Variants in AKAP13 observed in about 807,000 individuals in gnomAD.
AKAP13 encodes A-kinase anchor protein 13.
A neutral mutation model predicts 264.5 loss-of-function variants in AKAP13; 80 were observed. The ratio of observed to expected loss-of-function variants is 0.30; its 90% CI spans 0.25 to 0.36. AKAP13 has a LOEUF of 0.36. Among genes scored for constraint, AKAP13 ranks in the 10% least tolerant of loss-of-function variants. The pLI is 1.00. For missense variants in AKAP13, 3,712 were observed against 3,435.2 expected (o/e 1.08, Z -2.01); for synonymous variants, 1,380 against 1,250.2 (o/e 1.10, Z -2.19).
chr15:85,682,278 A>G (rs1597040894), intron 15 of AKAP13, 66 bp downstream of exon 15: 2 of 1,495,764 alleles, frequency 1.3e-6, no homozygotes, highest in Non-Finnish European at 1.8e-6. Flanking sequence ...CTCTTAGGCC[A>G]TTTAATTACG....
At position 85,526,518 on chromosome 15, in the gene AKAP13, G is replaced by A. The variant is rs540798116; in HGVS notation, c.181+4943G>A. Among the ~76,000 whole-genome samples, 3 of 152,224 alleles carry A rather than the reference G, an allele frequency of 2.0e-5. No homozygotes were observed. The South Asian group carries it at 6.2e-4, about 32-fold the overall frequency. On this transcript the variant is annotated intron_variant, in intron 3 of 36. Coordinates refer to ENST00000394518, the MANE Select transcript of AKAP13 (RefSeq NM_007200.5). ...AACTTCTGGTCTAAGTGATCCTTCTGCCTCCACCTAGCAAAGTGTTGGGAT... is the reference window on the plus strand; with the variant it reads ...AACTTCTGGTCTAAGTGATCCTTCTACCTCCACCTAGCAAAGTGTTGGGAT...
At chr15:85,583,135 A>G in intron 7 of AKAP13, 2 of 985,418 alleles carry the variant, frequency 2.0e-6, no homozygotes, top group Non-Finnish European at 2.4e-6. Flanking sequence ...CAGAAGACCT[A>G]TCTCCATGCT....
intron 1 of AKAP13, among the ~76,000 whole-genome samples, chr15:85,442,164 C>T (rs952539238): frequency 9.2e-5 from 14 of 151,748 alleles, no homozygotes; most frequent in South Asian, 4.2e-4. Flanking sequence ...GTAATCCCAG[C>T]GCTTTGGGAG....
At chr15:85,691,899 A>T (rs1036710352) in intron 16 of AKAP13, 2 of 481,014 alleles carry the variant, frequency 4.2e-6, no homozygotes, top group Non-Finnish European at 8.3e-6. Context: ...TATCTTTCCA[A>T]CCTAGGGACA....
At position 85,718,043 on chromosome 15, in the gene AKAP13, G is replaced by A. The variant is rs1389325686; in HGVS notation, c.5885G>A (p.Gly1962Glu). The A allele has an allele frequency of 6.2e-7, 1 of 1,614,016 alleles. No individual in the cohort carries two copies. Among genetic ancestry groups the A allele is most frequent in the Non-Finnish European group, 8.5e-7 (1 of 1,180,008 alleles). Residue 1962 changes from glycine (G) to glutamate (E), a missense_variant, in exon 22 of 37, where the codon GGA becomes GAA. Physicochemically the swap from Gly to Glu is moderately conservative, Grantham distance 98. Around this residue, in one of 3 missense-constraint regions of AKAP13, gnomAD observed 2,759 missense variants for 2,411.7 expected, o/e 1.14. Coordinates refer to ENST00000394518, the MANE Select transcript of AKAP13 (RefSeq NM_007200.5). The surrounding 1 kb of genome is among the most constrained non-coding windows in gnomAD (Gnocchi z 4.9). ...GTDMNEGQLL[G>E]DFEIESKQLE... Reference sequence around the variant, plus strand: ...GACATGAATGAAGGACAACTACTGGGAGACTTTGAGATTGAGTCCAAACAG... The same window carrying A: ...GACATGAATGAAGGACAACTACTGGAAGACTTTGAGATTGAGTCCAAACAG...
rs1302088351 is a variant in AKAP13, at chr15:85,727,016, G to A, written c.6823-50G>A. ...CCTTAGATTGAAGCTGTCCTTCAGAGTTAGAATATTGTATATGTATCTTTT... is the reference window on the plus strand; with the variant it reads ...CCTTAGATTGAAGCTGTCCTTCAGAATTAGAATATTGTATATGTATCTTTT... On this transcript the variant is annotated intron_variant, in intron 27 of 36. Coordinates refer to ENST00000394518, the MANE Select transcript of AKAP13 (RefSeq NM_007200.5). This position sits in a 1 kb window ranked among gnomAD's most constrained non-coding sequence, Gnocchi z 5.3. 1.9e-6 allele frequency: 3 copies of A among 1,601,436 alleles called. No homozygotes were observed. Among genetic ancestry groups the A allele is most frequent in the Non-Finnish European group, 2.6e-6 (3 of 1,169,962 alleles).
chr15:85,736,214 T>A, intron 33 of AKAP13, 80 bp downstream of exon 33: 1 of 1,275,228 alleles, frequency 7.8e-7, no homozygotes, highest in Non-Finnish European at 1.1e-6. Context: ...TTCCTTTTTT[T>A]TTTTTCTTTT....
chr15:85,434,407 A>T (rs1222673418), intron 1 of AKAP13, among the ~76,000 whole-genome samples: 3 of 152,154 alleles, frequency 2.0e-5, no homozygotes, highest in Non-Finnish European at 2.9e-5. Flanking sequence ...GGCGCCCGCC[A>T]TTGCCCAGGC....
chr15:85,434,571 G>T (rs2073183365), intron 1 of AKAP13, among the ~76,000 whole-genome samples: 2 of 152,022 alleles, frequency 1.3e-5, no homozygotes, highest in Non-Finnish European at 2.9e-5. Context: ...AAGTGTCCCT[G>T]TCTGACAGCT....
Position 85,749,118 on chromosome 15 carries a change from G to A in AKAP13, c.*4441G>A, listed in dbSNP as rs940191221. 1 of 152,262 alleles carries A rather than the reference G, an allele frequency of 6.6e-6. No homozygotes were observed. 9.4% of individuals were successfully genotyped at this position (152,262 alleles called of 1,614,324 possible). Reference sequence around the variant, plus strand: ...GCAAATGCTCTATGGACATTTGTGTGCTAAATCCTATTAAATAAAAAAGAC... The same window carrying A: ...GCAAATGCTCTATGGACATTTGTGTACTAAATCCTATTAAATAAAAAAGAC... On this transcript the variant is annotated 3_prime_UTR_variant, in exon 37 of 37. Coordinates refer to ENST00000394518, the MANE Select transcript of AKAP13 (RefSeq NM_007200.5).
chr15:85,488,752 A>G (rs973978200), intron 2 of AKAP13, among the ~76,000 whole-genome samples: 1 of 152,208 alleles, frequency 6.6e-6, no homozygotes, highest in African/African-American at 2.4e-5. Context: ...GGAAATAGCA[A>G]AAGAACACTT....
rs2073853089 is a variant in AKAP13 at position 85,445,086 on chromosome 15, CT to C, written c.-11-40623del. On this transcript the variant is annotated intron_variant, in intron 1 of 36. Coordinates refer to ENST00000394518, the MANE Select transcript of AKAP13 (RefSeq NM_007200.5). ...CTTATTCAGTCAAAAAGCCCTTATC[CT>C]CTGATCTCTGATAAGTACTGGGAAA... 3.3e-5 allele frequency among the ~76,000 whole-genome samples: 5 copies of C among 152,254 alleles called. No individual in the cohort carries two copies. The Middle Eastern group carries it at 0.017, about 518-fold the overall frequency.
intron 4 of AKAP13, among the ~76,000 whole-genome samples, chr15:85,537,906 G>A (rs1281809020): frequency 6.6e-6 from 1 of 152,194 alleles, no homozygotes; most frequent in African/African-American, 2.4e-5. Context: ...GAGGGAGTTT[G>A]TCCTTTTAAA....
Position 85,473,825 on chromosome 15 carries a change from C to T in AKAP13, c.-11-11885C>T, listed in dbSNP as rs367753689. ...CTCGCCTGAGAGGCCTGTGGTAGGT[C>T]AAATGAGATGCCATCTGTGCAGCAA... On this transcript the variant is annotated intron_variant, in intron 1 of 36. Coordinates refer to ENST00000394518, the MANE Select transcript of AKAP13 (RefSeq NM_007200.5). Among the ~76,000 whole-genome samples the T allele has an allele frequency of 1.4e-4, 21 of 152,280 alleles. No individual in the cohort carries two copies. In the East Asian group the frequency reaches 3.5e-3, roughly 25 times the overall value.
chr15:85,618,427 T>G (rs1157519), intron 8 of AKAP13, among the ~76,000 whole-genome samples: 30,871 of 151,872 alleles, frequency 0.2, 4,152 homozygotes, highest in Middle Eastern at 0.41. Flanking sequence ...AAGGAAAATG[T>G]CAGCAGCTCC....
At chr15:85,711,970 C>T (rs57032675) in intron 19 of AKAP13, among the ~76,000 whole-genome samples, 6,328 of 152,220 alleles carry the variant, frequency 0.042, 433 homozygotes, top group African/African-American at 0.15. Context: ...GTTGCTGGCA[C>T]TCCAGGTGTG....
chr15:85,419,942 T>C (rs2072440126), intron 1 of AKAP13, among the ~76,000 whole-genome samples: 1 of 138,154 alleles, frequency 7.2e-6, no homozygotes, highest in South Asian at 2.4e-4. Context: ...CTTGTTTTTT[T>C]TTTTTTTTTT....
intron 1 of AKAP13, among the ~76,000 whole-genome samples, chr15:85,458,495 T>A (rs961412438): frequency 1.3e-5 from 2 of 151,182 alleles, no homozygotes; most frequent in African/African-American, 4.9e-5. Context: ...TAAGTTCCTC[T>A]CATAGCTCTA....
intron 17 of AKAP13, among the ~76,000 whole-genome samples, chr15:85,694,956 A>G (rs537089805): frequency 1.3e-5 from 2 of 151,198 alleles, no homozygotes; most frequent in South Asian, 4.2e-4. Context: ...CTGAAATCTG[A>G]TTTTTTTTCT....
Sources: gnomAD v4.1 joint callset for allele counts (sites outside exome capture counted in the v4.1 genomes callset) on GRCh38, gnomAD v4.1.1 for gene constraint, gnomAD v4.1.1 regional missense constraint, Gnocchi (gnomAD v3.1) non-coding constraint, MANE v1.5 for transcripts, NCBI Gene and HGNC (gene_info 2026-07-23, HGNC 2026-07-21) for gene names.